MEI4: variants seen among roughly 807,000 people sequenced by gnomAD.
The protein encoded by MEI4 is meiosis-specific protein MEI4.
Under a neutral mutation model 31.4 loss-of-function variants are expected in MEI4, and 27 were observed. That is an observed-to-expected ratio of 0.86 (90% CI 0.63 to 1.19). MEI4 has a LOEUF of 1.19. Among genes scored for constraint, MEI4 ranks in the 50% most tolerant of loss-of-function variants. MEI4 has a pLI of 0.00. For missense variants in MEI4, 329 were observed against 398.9 expected, an observed-to-expected ratio of 0.82 and a Z score of 1.49; for synonymous variants, 122 against 145.4, an observed-to-expected ratio of 0.84 and a Z score of 1.16.
At chr6:77,745,137 A>G (rs1044305620) in intron 2 of MEI4, among the ~76,000 whole-genome samples, 2 of 152,208 alleles carry the variant, frequency 1.3e-5, no homozygotes, top group Non-Finnish European at 2.9e-5. Flanking sequence ...TTTAAATGTA[A>G]ATGGACTAAA....
At chr6:77,684,373 T>A (rs1371681633) in intron 1 of MEI4, among the ~76,000 whole-genome samples, 7 of 152,160 alleles carry the variant, frequency 4.6e-5, no homozygotes, top group Admixed American at 4.6e-4. Flanking sequence ...CAAACATTTA[T>A]CTTTTGAGTT....
chr6:77,789,443 G>T (rs554199730), intron 3 of MEI4, among the ~76,000 whole-genome samples: 43 of 152,262 alleles, frequency 2.8e-4, no homozygotes, highest in African/African-American at 1.0e-3. Context: ...CACAGCAAAA[G>T]AAACTACCAT....
chr6:77,767,197 T>C (rs1238761051), intron 3 of MEI4, among the ~76,000 whole-genome samples: 1 of 151,314 alleles, frequency 6.6e-6, no homozygotes, highest in Non-Finnish European at 1.5e-5. Context: ...CTGGCCAACA[T>C]TGTGAAACCC....
chr6:77,869,895 T>C (rs1311973800), intron 4 of MEI4, among the ~76,000 whole-genome samples: 1 of 152,112 alleles, frequency 6.6e-6, no homozygotes, highest in Non-Finnish European at 1.5e-5. Flanking sequence ...TAAAAGTGGG[T>C]ACTCAATACT....
At chr6:77,779,461 A>T (rs771255611) in intron 3 of MEI4, among the ~76,000 whole-genome samples, 5 of 152,224 alleles carry the variant, frequency 3.3e-5, no homozygotes, top group Admixed American at 6.5e-5. Context: ...TATTACTTGC[A>T]TATAAACAGC....
rs989000644 is a variant in MEI4 at position 77,750,077 on chromosome 6, T to G, written c.233-11053T>G. Reference sequence around the variant, plus strand: ...TACAGACAAGCAAATGCTGAGAGATTTTTGTCATCACCAAGCCTGCCTTAT... The same window carrying G: ...TACAGACAAGCAAATGCTGAGAGATGTTTGTCATCACCAAGCCTGCCTTAT... On this transcript the variant is annotated intron_variant, in intron 2 of 4. Transcript: ENST00000684080. Among the ~76,000 whole-genome samples the G allele has an allele frequency of 2.4e-4, 36 of 152,104 alleles. 1 individual carries two copies. The highest frequency in any genetic ancestry group is 2.4e-3 in the Admixed American group (36 of 15,268).
intron 3 of MEI4, among the ~76,000 whole-genome samples, chr6:77,797,318 T>C (rs939701105): frequency 6.6e-6 from 1 of 152,082 alleles, no homozygotes; most frequent in Admixed American, 6.6e-5. Flanking sequence ...GCACAGACTA[T>C]AAAAACAGAA....
Position 77,754,188 on chromosome 6 carries a change from A to ACAGT in MEI4, c.233-6942_233-6941insCAGT, listed in dbSNP as rs1205438523. Among the ~76,000 whole-genome samples, 6 of 152,154 alleles carry ACAGT rather than the reference A, an allele frequency of 3.9e-5. No homozygotes were observed. The East Asian group carries it at 1.2e-3, about 29-fold the overall frequency. ...GATGGGTGCAGCAAACCACCATGGC[A>ACAGT]TGTGAATACCTATGTAACAAACCTG... On this transcript the variant is annotated intron_variant, in intron 2 of 4. Coordinates refer to ENST00000684080, the MANE Select transcript of MEI4 (RefSeq NM_001322247.2).
intron 2 of MEI4, among the ~76,000 whole-genome samples, chr6:77,733,414 TAG>T: frequency 6.6e-6 from 1 of 152,258 alleles, no homozygotes. Context: ...TTTATTTGCG[TAG>T]AGGTGTTCGT....
intron 2 of MEI4, among the ~76,000 whole-genome samples, chr6:77,700,212 G>A (rs556531503): frequency 6.6e-6 from 1 of 152,222 alleles, no homozygotes; most frequent in African/African-American, 2.4e-5. Flanking sequence ...ACCGGGGCAG[G>A]CAGGCCTCCT....
intron 3 of MEI4, among the ~76,000 whole-genome samples, chr6:77,808,474 A>G (rs1278279624): frequency 6.6e-6 from 1 of 152,196 alleles, no homozygotes; most frequent in Non-Finnish European, 1.5e-5. Flanking sequence ...AATGTCAAGA[A>G]GTATAGAAAT....
At chr6:77,846,390 C>A (rs978182838) in intron 4 of MEI4, among the ~76,000 whole-genome samples, 2 of 152,024 alleles carry the variant, frequency 1.3e-5, no homozygotes, top group African/African-American at 4.8e-5. Context: ...GGACATGTAT[C>A]ATTTCATGCC....
chr6:77,754,833 C>T (rs1244332756), intron 2 of MEI4, among the ~76,000 whole-genome samples: 1 of 152,082 alleles, frequency 6.6e-6, no homozygotes, highest in African/African-American at 2.4e-5. Flanking sequence ...ACCACCAGAT[C>T]TTGTGACAAC....
intron 4 of MEI4, among the ~76,000 whole-genome samples, chr6:77,900,785 A>C (rs1766170823): frequency 6.6e-6 from 1 of 151,958 alleles, no homozygotes. Flanking sequence ...ATTGTCATTA[A>C]CTTTACCATA....
At chr6:77,705,471 C>T (rs1341430511) in intron 2 of MEI4, among the ~76,000 whole-genome samples, 1 of 152,168 alleles carries the variant, frequency 6.6e-6, no homozygotes, top group East Asian at 1.9e-4. Context: ...CACATACTTG[C>T]ATTATATTCT....
In MEI4 at chr6:77,732,603, A is replaced by G. The variant is rs9448180; in HGVS notation, c.233-28527A>G. ...GACAATTTGACTTCCTCTTTTCCTAATTGAATACCCTTTATTTCCTTCTCC... is the reference window on the plus strand; with the variant it reads ...GACAATTTGACTTCCTCTTTTCCTAGTTGAATACCCTTTATTTCCTTCTCC... On this transcript the variant is annotated intron_variant, in intron 2 of 4. Transcript: ENST00000684080. Among the ~76,000 whole-genome samples the G allele has an allele frequency of 7.3e-3, 1,069 of 147,084 alleles. 26 individuals are homozygous for G. The highest frequency in any genetic ancestry group is 0.025 in the African/African-American group (1,010 of 40,440).
At position 77,701,567 on chromosome 6, in the gene MEI4, A is replaced by C. The variant is rs558315564; in HGVS notation, c.232+10664A>C. 5.9e-5 allele frequency among the ~76,000 whole-genome samples: 9 copies of C among 151,974 alleles called. No homozygotes were observed. In the East Asian group the frequency reaches 1.6e-3, roughly 26 times the overall value. On this transcript the variant is annotated intron_variant, in intron 2 of 4. Transcript: ENST00000684080. ...TAAGTAGTTAATATATTCATAAATC[A>C]TAGATAGTATTACACATCTATGTGT... is the stretch of plus-strand genomic sequence containing the variant.
At chr6:77,800,221 A>C (rs1228068800) in intron 3 of MEI4, among the ~76,000 whole-genome samples, 1 of 151,886 alleles carries the variant, frequency 6.6e-6, no homozygotes. Context: ...ATACCTTGTA[A>C]GTTGGATTCC....
chr6:77,792,088 C>A (rs947233734), intron 3 of MEI4, among the ~76,000 whole-genome samples: 1 of 152,044 alleles, frequency 6.6e-6, no homozygotes, highest in Non-Finnish European at 1.5e-5. Context: ...GTAATGTCCT[C>A]CAGGTTCATC....
Sources: allele counts gnomAD v4.1 joint callset (sites outside exome capture counted in the v4.1 genomes callset), GRCh38; gene constraint gnomAD v4.1.1; transcripts MANE v1.5; gene names NCBI Gene and HGNC (gene_info 2026-07-23, HGNC 2026-07-21).